Variants in TRPS1 observed in about 807,000 individuals in gnomAD.
TRPS1 encodes the protein transcriptional repressor GATA binding 1, also known as zinc finger transcription factor Trps1.
TRPS1 carries 6 observed loss-of-function variants against 101.2 expected under a neutral mutation model. The observed-to-expected ratio is 0.06, with a 90% CI of 0.03 to 0.12. TRPS1 has a LOEUF of 0.12. Ranked by LOEUF, TRPS1 falls within the 10% of genes least tolerant of loss-of-function variation. The pLI is 1.00. For synonymous variants in TRPS1, 578 were observed against 589.8 expected (o/e 0.98, Z 0.29); for missense variants, 1,363 against 1,567.0 (o/e 0.87, Z 2.20).
chr8:115,529,375 T>C (rs1381530769), intron 5 of TRPS1, among the ~76,000 whole-genome samples: 1 of 152,144 alleles, frequency 6.6e-6, no homozygotes, highest in African/African-American at 2.4e-5. Context: ...CAATTGTATA[T>C]GTAAGATGTA....
chr8:115,569,856 G>T (rs577313637), intron 5 of TRPS1, among the ~76,000 whole-genome samples: 1 of 152,042 alleles, frequency 6.6e-6, no homozygotes, highest in African/African-American at 2.4e-5. Context: ...TAATATAGCT[G>T]TGTAGAAAGA....
In TRPS1 at chr8:115,619,208, C is replaced by T. The variant is rs376460318; in HGVS notation, c.890G>A (p.Arg297His). 2.0e-5 allele frequency: 33 copies of T among 1,614,000 alleles called. No individual in the cohort carries two copies. Among genetic ancestry groups the T allele is most frequent in the Non-Finnish European group, 2.5e-5 (30 of 1,180,026 alleles). The change falls in exon 3 of 7, where the codon CGT becomes CAT. Residue 297 changes from arginine (R) to histidine (H), a missense_variant. By Grantham distance (29) the Arg-to-His change is conservative. Coordinates refer to ENST00000395715, the MANE Select transcript of TRPS1 (RefSeq NM_014112.5). ...SHSKDFQKVN[R>H]SVFSGVLQDI... ...CTGCAGCACACCAGAAAACACAGAA[C>T]GGTTGACCTTCTGGAAGTCTTTGGA...
intron 5 of TRPS1, among the ~76,000 whole-genome samples, chr8:115,569,131 G>C (rs1817140990): frequency 6.6e-6 from 1 of 152,064 alleles, no homozygotes; most frequent in Non-Finnish European, 1.5e-5. Context: ...CACTGTATGA[G>C]ACAAGATTAC....
intron 5 of TRPS1, among the ~76,000 whole-genome samples, chr8:115,486,725 T>C (rs1814889373): frequency 6.6e-6 from 1 of 152,220 alleles, no homozygotes; most frequent in African/African-American, 2.4e-5. Context: ...AGCAAGGCCC[T>C]AATTCTCTTC....
At chr8:115,497,355 A>T (rs892287866) in intron 5 of TRPS1, among the ~76,000 whole-genome samples, 2 of 152,194 alleles carry the variant, frequency 1.3e-5, no homozygotes, top group Non-Finnish European at 2.9e-5. Context: ...TGCTGATCTG[A>T]TAGGAGGCGG....
intron 5 of TRPS1, among the ~76,000 whole-genome samples, chr8:115,576,926 A>C (rs949576198): frequency 6.6e-6 from 1 of 152,202 alleles, no homozygotes; most frequent in Non-Finnish European, 1.5e-5. Flanking sequence ...GACAATTTAC[A>C]CTTTAAAAAC....
intron 5 of TRPS1, among the ~76,000 whole-genome samples, chr8:115,458,670 C>T (rs917694407): frequency 2.0e-5 from 3 of 152,176 alleles, no homozygotes; most frequent in African/African-American, 7.2e-5. Context: ...TAGGCAGCAC[C>T]TGCTAGTATG....
At chr8:115,515,389 C>A in intron 5 of TRPS1, 1 of 605,396 alleles carries the variant, frequency 1.7e-6, no homozygotes, top group Admixed American at 2.7e-5. Flanking sequence ...GTGCATTTTG[C>A]CATGAAATAT....
intron 5 of TRPS1, among the ~76,000 whole-genome samples, chr8:115,488,741 G>C (rs866846299): frequency 4.6e-5 from 7 of 152,158 alleles, no homozygotes; most frequent in Non-Finnish European, 7.4e-5. Context: ...GAATCTTTTA[G>C]AGACCACATT....
chr8:115,612,140 C>A (rs1818183230), intron 3 of TRPS1, among the ~76,000 whole-genome samples: 5 of 60,400 alleles, frequency 8.3e-5, no homozygotes, highest in South Asian at 8.1e-4. Context: ...AGAAGGAGGA[C>A]AGAAGAAAAG....
At chr8:115,636,170 T>C (rs1818762676) in intron 1 of TRPS1, among the ~76,000 whole-genome samples, 1 of 152,000 alleles carries the variant, frequency 6.6e-6, no homozygotes, top group Non-Finnish European at 1.5e-5. Context: ...TTAATGTATA[T>C]GTACATACAT....
chr8:115,462,933 C>T (rs566507369), intron 5 of TRPS1, among the ~76,000 whole-genome samples: 12 of 152,154 alleles, frequency 7.9e-5, no homozygotes, highest in Admixed American at 7.9e-4. Context: ...ATAATTACAC[C>T]CAAATTTACC....
intron 5 of TRPS1, among the ~76,000 whole-genome samples, chr8:115,434,322 A>G (rs1174164870): frequency 1.3e-5 from 2 of 152,176 alleles, no homozygotes; most frequent in African/African-American, 2.4e-5. Flanking sequence ...TGAAAACAAT[A>G]TTCATTTAAA....
intron 1 of TRPS1, among the ~76,000 whole-genome samples, chr8:115,655,591 A>C (rs1481539757): frequency 6.6e-6 from 1 of 152,186 alleles, no homozygotes; most frequent in Middle Eastern, 3.2e-3. Flanking sequence ...TAAAATGTAC[A>C]TTCTGTTAGC....
intron 1 of TRPS1, among the ~76,000 whole-genome samples, chr8:115,627,799 C>T (rs1818543862): frequency 6.6e-6 from 1 of 151,768 alleles, no homozygotes; most frequent in East Asian, 1.9e-4. Flanking sequence ...TAACAGCTTT[C>T]TTTGTTCTCC....
intron 5 of TRPS1, among the ~76,000 whole-genome samples, chr8:115,442,863 G>A (rs560847973): frequency 1.3e-3 from 192 of 151,982 alleles, no homozygotes; most frequent in Non-Finnish European, 2.4e-3. Flanking sequence ...AGACTGGGGC[G>A]GGTGGATCAC....
chr8:115,581,319 G>C (rs535201296), intron 5 of TRPS1, among the ~76,000 whole-genome samples: 1 of 152,132 alleles, frequency 6.6e-6, no homozygotes, highest in Non-Finnish European at 1.5e-5. Context: ...AGCTAGACGG[G>C]AGGAGTAAGT....
intron 5 of TRPS1, among the ~76,000 whole-genome samples, chr8:115,565,649 C>A (rs189349159): frequency 7.0e-4 from 106 of 151,992 alleles, no homozygotes; most frequent in Non-Finnish European, 7.8e-4. Flanking sequence ...AAAATTCCAC[C>A]CAATTTTCTC....
intron 4 of TRPS1, among the ~76,000 whole-genome samples, chr8:115,600,974 G>A (rs1379027211): frequency 6.6e-6 from 1 of 152,090 alleles, no homozygotes; most frequent in South Asian, 2.1e-4. Context: ...CTAAGTCCCT[G>A]TTGCTGACTA....
Sources: gnomAD v4.1 joint callset for allele counts (sites outside exome capture counted in the v4.1 genomes callset) on GRCh38, gnomAD v4.1.1 for gene constraint, MANE v1.5 for transcripts, NCBI Gene and HGNC (gene_info 2026-07-23, HGNC 2026-07-21) for gene names.